EFCAB11: variants seen among roughly 807,000 people sequenced by gnomAD.
The protein encoded by EFCAB11 is EF-hand calcium binding domain 11.
EFCAB11 carries 14 observed loss-of-function variants against 23.0 expected under a neutral mutation model. The ratio of observed to expected loss-of-function variants is 0.61; its 90% CI spans 0.40 to 0.95. The LOEUF (loss-of-function observed/expected upper bound fraction) is 0.95, where lower values mean the gene tolerates loss of function less well. Among genes scored for constraint, EFCAB11 ranks in the 40% least tolerant of loss-of-function variants. The pLI, the probability that EFCAB11 is intolerant of heterozygous loss-of-function variation, is 0.00. For missense variants in EFCAB11, 198 were observed against 195.8 expected (o/e 1.01, Z -0.07); for synonymous variants, 65 against 66.6 (o/e 0.98, Z 0.11).
chr14:89,933,454 C>G (rs1890469781), intron 3 of EFCAB11, among the ~76,000 whole-genome samples: 1 of 152,140 alleles, frequency 6.6e-6, no homozygotes, highest in African/African-American at 2.4e-5. Flanking sequence ...ATACAATAAC[C>G]ACATGCACAT....
chr14:89,797,417 G>C (rs1409449028), intron 5 of EFCAB11, 93 bp from the exon 6 acceptor site: 1 of 1,121,510 alleles, frequency 8.9e-7, no homozygotes, highest in African/African-American at 1.6e-5. Context: ...TTGCATGTCT[G>C]TGTGAGAGAG....
chr14:89,812,784 G>A (rs1051428418), intron 5 of EFCAB11, among the ~76,000 whole-genome samples: 5 of 152,164 alleles, frequency 3.3e-5, no homozygotes, highest in African/African-American at 9.7e-5. Context: ...TTCCAAATTC[G>A]TTAACATGTT....
At chr14:89,893,077 G>A (rs1339465438) in intron 5 of EFCAB11, among the ~76,000 whole-genome samples, 2 of 152,132 alleles carry the variant, frequency 1.3e-5, no homozygotes, top group African/African-American at 4.8e-5. Context: ...AGCCTGCCGC[G>A]CTGTGAACTG....
At chr14:89,846,540 G>T (rs1000078327) in intron 5 of EFCAB11, among the ~76,000 whole-genome samples, 2 of 152,146 alleles carry the variant, frequency 1.3e-5, no homozygotes, top group African/African-American at 4.8e-5. Flanking sequence ...TTCAACAATT[G>T]ATCTCTGATG....
At chr14:89,876,816 C>G (rs754072733) in intron 5 of EFCAB11, among the ~76,000 whole-genome samples, 42 of 152,322 alleles carry the variant, frequency 2.8e-4, no homozygotes, top group Non-Finnish European at 4.3e-4. Flanking sequence ...TGCACAATGC[C>G]AGGCTCCTGG....
At chr14:89,801,697 T>C (rs750003283) in intron 5 of EFCAB11, among the ~76,000 whole-genome samples, 8 of 152,168 alleles carry the variant, frequency 5.3e-5, no homozygotes, top group Admixed American at 1.3e-4. Context: ...ATTCATTGTA[T>C]TAAAAAGTGG....
At position 89,910,467 on chromosome 14, in the gene EFCAB11, G is replaced by A. The variant is rs543496152; in HGVS notation, c.410+21074C>T. On this transcript the variant is annotated intron_variant, in intron 5 of 5. Coordinates refer to ENST00000316738, the MANE Select transcript of EFCAB11 (RefSeq NM_145231.4). ...ACAAAAATTTGCTGGGTGTGATGGC[G>A]GGCACCTGTAATCCTAGCTACTCGA... Among the ~76,000 whole-genome samples, 6 of 152,156 alleles carry A rather than the reference G, an allele frequency of 3.9e-5. No individual in the cohort carries two copies. The East Asian group carries it at 7.7e-4, about 20-fold the overall frequency.
At chr14:89,878,104 G>C (rs1033953615) in intron 5 of EFCAB11, among the ~76,000 whole-genome samples, 2 of 152,166 alleles carry the variant, frequency 1.3e-5, no homozygotes, top group Non-Finnish European at 2.9e-5. Context: ...GAGATTCTAT[G>C]ATTTCAAAAG....
At chr14:89,874,379 C>T (rs1888370705) in intron 5 of EFCAB11, among the ~76,000 whole-genome samples, 1 of 152,168 alleles carries the variant, frequency 6.6e-6, no homozygotes, top group South Asian at 2.1e-4. Context: ...CTGACGTGCC[C>T]TGAAAACATT....
At chr14:89,872,377 C>T (rs1888304116) in intron 5 of EFCAB11, among the ~76,000 whole-genome samples, 1 of 152,220 alleles carries the variant, frequency 6.6e-6, no homozygotes, top group Admixed American at 6.5e-5. Context: ...TGAAATACTT[C>T]CGCATGGGTG....
intron 5 of EFCAB11, among the ~76,000 whole-genome samples, chr14:89,803,394 G>A (rs1885852054): frequency 6.6e-6 from 1 of 152,316 alleles, no homozygotes; most frequent in Middle Eastern, 3.4e-3. Flanking sequence ...AATAGGGCGT[G>A]TGCCAGACAT....
At chr14:89,825,277 A>G (rs1296096951) in intron 5 of EFCAB11, among the ~76,000 whole-genome samples, 4 of 152,246 alleles carry the variant, frequency 2.6e-5, no homozygotes, top group East Asian at 3.9e-4. Flanking sequence ...GAAAAATTAG[A>G]AAGTATTTGG....
intron 5 of EFCAB11, among the ~76,000 whole-genome samples, chr14:89,904,386 A>G (rs1253646179): frequency 6.6e-6 from 1 of 152,114 alleles, no homozygotes; most frequent in Non-Finnish European, 1.5e-5. Flanking sequence ...TGATGGACAT[A>G]TGGGTTAGTT....
rs117331447 is a variant in EFCAB11 at position 89,873,035 on chromosome 14, T to C, written c.410+58506A>G. ...TTTAAGCCACTGTATTAGTCTGTTC[T>C]CACACTAGTATTAGTATTAGTATTA... On this transcript the variant is annotated intron_variant, in intron 5 of 5. Transcript: ENST00000316738. Among the ~76,000 whole-genome samples the C allele has an allele frequency of 3.9e-5, 6 of 152,336 alleles. No homozygotes were observed. In the East Asian group the frequency reaches 1.2e-3, roughly 29 times the overall value.
At chr14:89,811,188 T>C (rs1886141081) in intron 5 of EFCAB11, among the ~76,000 whole-genome samples, 1 of 151,814 alleles carries the variant, frequency 6.6e-6, no homozygotes, top group Non-Finnish European at 1.5e-5. Flanking sequence ...TTCAAGGAAC[T>C]GAAAGAAGGC....
chr14:89,860,869 G>T (rs1296154265), intron 5 of EFCAB11, among the ~76,000 whole-genome samples: 3 of 152,150 alleles, frequency 2.0e-5, no homozygotes, highest in East Asian at 1.9e-4. Context: ...CTTCCAAGGG[G>T]TTTATTACTT....
chr14:89,837,390 T>C (rs1015319753), intron 5 of EFCAB11, among the ~76,000 whole-genome samples: 5 of 152,028 alleles, frequency 3.3e-5, no homozygotes, highest in African/African-American at 1.2e-4. Flanking sequence ...CTTCTGGTAA[T>C]GGCTACTTTC....
rs1004317641 is a variant in EFCAB11 at position 89,887,028 on chromosome 14, GT to G, written c.410+44512del. 2.6e-4 allele frequency among the ~76,000 whole-genome samples: 39 copies of G among 152,232 alleles called. 1 individual carries two copies. Among genetic ancestry groups the G allele is most frequent in the Admixed American group, 1.6e-3 (25 of 15,296 alleles). On this transcript the variant is annotated intron_variant, in intron 5 of 5. Coordinates refer to ENST00000316738, the MANE Select transcript of EFCAB11 (RefSeq NM_145231.4). ...AATACCATACTAATATAAACAGATT[GT>G]TTTTATAGTCTTTAATAAATTCATT...
chr14:89,825,068 C>T (rs1033827228), intron 5 of EFCAB11, among the ~76,000 whole-genome samples: 114 of 142,982 alleles, frequency 8.0e-4, no homozygotes, highest in African/African-American at 2.6e-3. Flanking sequence ...CGTTCAAGTG[C>T]TCATGGAACA....
Sources: gnomAD v4.1 joint callset for allele counts (sites outside exome capture counted in the v4.1 genomes callset) on GRCh38, gnomAD v4.1.1 for gene constraint, MANE v1.5 for transcripts, NCBI Gene and HGNC (gene_info 2026-07-23, HGNC 2026-07-21) for gene names.